The following PREP variants were observed in gnomAD, a reference collection of about 807,000 sequenced individuals.
PREP encodes dJ355L5.1 (prolyl endopeptidase).
A neutral mutation model predicts 87.6 loss-of-function variants in PREP; 29 were observed. That is an observed-to-expected ratio of 0.33 (90% CI 0.25 to 0.45). PREP has a LOEUF of 0.45. PREP is among the 20% of genes least tolerant of loss of function. PREP has a pLI of 1.00. For missense variants in PREP, 695 were observed against 886.5 expected (o/e 0.78, Z 2.74); for synonymous variants, 337 against 328.6 (o/e 1.03, Z -0.28).
chr6:105,399,459 T>G (rs1207648152), intron 1 of PREP, among the ~76,000 whole-genome samples: 1 of 152,140 alleles, frequency 6.6e-6, no homozygotes, highest in East Asian at 1.9e-4. Context: ...AATGGGCAGG[T>G]AAGCCAGAAC....
At chr6:105,322,998 A>T in intron 10 of PREP, 3 of 1,302,850 alleles carry the variant, frequency 2.3e-6, no homozygotes, top group Non-Finnish European at 3.0e-6. Context: ...AGGGGCCTTG[A>T]TAAACACCTG....
intron 5 of PREP, among the ~76,000 whole-genome samples, chr6:105,370,547 T>C (rs1183498568): frequency 6.6e-6 from 1 of 152,080 alleles, no homozygotes; most frequent in Admixed American, 6.5e-5. Flanking sequence ...AGTTGAAAAC[T>C]TGTGTCCAAA....
At chr6:105,373,722 C>CG in intron 4 of PREP, 144 bp from the exon 5 acceptor site, 2 of 849,644 alleles carry the variant, frequency 2.4e-6, no homozygotes, top group South Asian at 1.7e-5. Context: ...TGAGGAATCC[C>CG]GGGGGCTCAG....
chr6:105,386,614 T>C (rs1773001782), intron 2 of PREP, among the ~76,000 whole-genome samples: 1 of 152,212 alleles, frequency 6.6e-6, no homozygotes, highest in South Asian at 2.1e-4. Flanking sequence ...AGGCATCTAT[T>C]AGAACTTAGC....
chr6:105,384,714 A>G (rs1772938411), intron 2 of PREP, among the ~76,000 whole-genome samples: 1 of 152,220 alleles, frequency 6.6e-6, no homozygotes, highest in Non-Finnish European at 1.5e-5. Context: ...AGAGATGAGT[A>G]TTTGAAGGGA....
At chr6:105,387,030 T>C (rs549897779) in intron 2 of PREP, among the ~76,000 whole-genome samples, 99 of 152,294 alleles carry the variant, frequency 6.5e-4, no homozygotes, top group Non-Finnish European at 1.2e-3. Context: ...TTGGCCAACA[T>C]GGTGAAACCC....
Position 105,281,792 on chromosome 6 carries a change from C to G in PREP, c.1792G>C (p.Asp598His). The G allele has an allele frequency of 6.2e-7, 1 of 1,614,180 alleles. No homozygotes were observed. The highest frequency in any genetic ancestry group is 8.5e-7 in the Non-Finnish European group (1 of 1,180,038). The change falls in exon 14 of 15, where the codon GAT (aspartate) becomes CAT (histidine). Residue 598 changes from aspartate to histidine, a missense_variant. Transcript: ENST00000652536. ...TGTTTGCTGTCCGAGCACCCATAAT[C>G]AGTGGTCCAAGCATGGCCGATGGTA... Reference protein sequence around the residue: ...KYTIGHAWTTDYGCSDSKQHF... With the variant: ...KYTIGHAWTTHYGCSDSKQHF...
chr6:105,361,896 A>G (rs1270483438), intron 6 of PREP, among the ~76,000 whole-genome samples: 1 of 152,202 alleles, frequency 6.6e-6, no homozygotes, highest in Non-Finnish European at 1.5e-5. Flanking sequence ...GGGAGCCATA[A>G]GCACATGTGA....
At chr6:105,349,297 G>T (rs929097772) in intron 7 of PREP, among the ~76,000 whole-genome samples, 4 of 152,178 alleles carry the variant, frequency 2.6e-5, no homozygotes, top group African/African-American at 9.7e-5. Context: ...GAACAACAGA[G>T]ACAGCACTCC....
chr6:105,395,755 A>G (rs1773272227), intron 2 of PREP, among the ~76,000 whole-genome samples: 1 of 152,230 alleles, frequency 6.6e-6, no homozygotes, highest in Non-Finnish European at 1.5e-5. Flanking sequence ...GGTCATTTTG[A>G]CAGTGCTAAA....
chr6:105,282,344 T>C, intron 13 of PREP, 107 bp downstream of exon 13: 4 of 1,371,820 alleles, frequency 2.9e-6, no homozygotes, highest in Non-Finnish European at 4.0e-6. Flanking sequence ...TTATACCACT[T>C]TGTGGTCCTA....
At chr6:105,387,086 G>A (rs1023188253) in intron 2 of PREP, among the ~76,000 whole-genome samples, 1 of 152,124 alleles carries the variant, frequency 6.6e-6, no homozygotes, top group Non-Finnish European at 1.5e-5. Flanking sequence ...GGAGGCGGAT[G>A]CCTGTAGTCC....
chr6:105,299,949 T>A (rs958013442), intron 10 of PREP, among the ~76,000 whole-genome samples: 1 of 151,150 alleles, frequency 6.6e-6, no homozygotes, highest in Non-Finnish European at 1.5e-5. Flanking sequence ...CAGGCTGGAG[T>A]GAAGTGGCAT....
intron 7 of PREP, among the ~76,000 whole-genome samples, chr6:105,346,452 T>C (rs1036905091): frequency 4.6e-5 from 7 of 152,224 alleles, no homozygotes; most frequent in Admixed American, 6.5e-5. Flanking sequence ...TTTTCTTTAA[T>C]GACACAAAAG....
At chr6:105,286,231 G>A (rs1770186643) in intron 11 of PREP, among the ~76,000 whole-genome samples, 2 of 152,158 alleles carry the variant, frequency 1.3e-5, no homozygotes, top group Admixed American at 1.3e-4. Context: ...CCTGATAATG[G>A]TTCCTTTTAT....
chr6:105,370,184 A>C (rs1772498223), intron 5 of PREP, among the ~76,000 whole-genome samples: 1 of 151,800 alleles, frequency 6.6e-6, no homozygotes, highest in Non-Finnish European at 1.5e-5. Context: ...CCCGGGACAG[A>C]AGATGCCGTG....
chr6:105,401,127 AGTT>A (rs1458119165), intron 1 of PREP, among the ~76,000 whole-genome samples: 1 of 152,210 alleles, frequency 6.6e-6, no homozygotes, highest in Non-Finnish European at 1.5e-5. Context: ...TACCCTTCCG[AGTT>A]GTTTATAATC....
At chr6:105,382,797 G>A (rs1772882670) in intron 2 of PREP, among the ~76,000 whole-genome samples, 1 of 152,122 alleles carries the variant, frequency 6.6e-6, no homozygotes, top group African/African-American at 2.4e-5. Context: ...GCTCAGGCCC[G>A]GGTATCAACC....
chr6:105,395,948 C>T (rs1773276855), intron 2 of PREP, among the ~76,000 whole-genome samples: 2 of 152,200 alleles, frequency 1.3e-5, no homozygotes, highest in Admixed American at 6.5e-5. Flanking sequence ...CAGACCCAAT[C>T]CCTCTGTCTC....
Sources: allele counts gnomAD v4.1 joint callset (sites outside exome capture counted in the v4.1 genomes callset), GRCh38; gene constraint gnomAD v4.1.1; transcripts MANE v1.5; gene names NCBI Gene and HGNC (gene_info 2026-07-23, HGNC 2026-07-21).